Variants in SCAPER observed in about 807,000 individuals in gnomAD.
SCAPER encodes S phase cyclin A-associated protein in the endoplasmic reticulum.
A neutral mutation model predicts 182.2 loss-of-function variants in SCAPER; 98 were observed. That is an observed-to-expected ratio of 0.54 (90% CI 0.46 to 0.64). The LOEUF is 0.64. Ranked by LOEUF, SCAPER falls within the 30% of genes least tolerant of loss-of-function variation. The pLI is 0.00. For synonymous variants in SCAPER, 605 were observed against 564.6 expected, an observed-to-expected ratio of 1.07 and a Z score of -1.01; for missense variants, 1,432 against 1,690.0, an observed-to-expected ratio of 0.85 and a Z score of 2.68.
chr15:76,384,081 G>T (rs1041240173), intron 27 of SCAPER, among the ~76,000 whole-genome samples: 4 of 152,174 alleles, frequency 2.6e-5, no homozygotes, highest in Admixed American at 2.6e-4. Context: ...CGTGAGTAGA[G>T]ATTAATGTGT....
At chr15:76,720,341 G>A (rs1309555041) in intron 17 of SCAPER, among the ~76,000 whole-genome samples, 17 of 151,944 alleles carry the variant, frequency 1.1e-4, no homozygotes, top group Non-Finnish European at 2.1e-4. Context: ...TTGGACATTT[G>A]GGTTGGTTCC....
chr15:76,887,400 C>T (rs8026664), intron 1 of SCAPER, among the ~76,000 whole-genome samples: 4,407 of 152,214 alleles, frequency 0.029, 197 homozygotes, highest in African/African-American at 0.1. Flanking sequence ...CATTCCTAGC[C>T]AAGGGAAGCC....
intron 22 of SCAPER, among the ~76,000 whole-genome samples, chr15:76,576,528 T>A (rs1009991142): frequency 2.6e-5 from 4 of 152,156 alleles, no homozygotes; most frequent in African/African-American, 9.7e-5. Flanking sequence ...ATGTCCTCCA[T>A]ACAGGAACAC....
At chr15:76,804,163 T>C (rs1454065022) in intron 6 of SCAPER, among the ~76,000 whole-genome samples, 3 of 152,228 alleles carry the variant, frequency 2.0e-5, no homozygotes, top group Non-Finnish European at 4.4e-5. Context: ...CATGAAACAC[T>C]TCTTCCGCAT....
intron 21 of SCAPER, among the ~76,000 whole-genome samples, chr15:76,638,730 G>A (rs2053850575): frequency 6.6e-6 from 1 of 152,086 alleles, no homozygotes. Context: ...TATAAACTAT[G>A]TCGAGAATGA....
intron 4 of SCAPER, among the ~76,000 whole-genome samples, chr15:76,853,963 A>G (rs780087476): frequency 5.9e-5 from 9 of 152,216 alleles, no homozygotes; most frequent in Non-Finnish European, 1.2e-4. Flanking sequence ...CAACTTCAGC[A>G]AAGTTTCAGG....
At chr15:76,516,284 A>C (rs1306376613) in intron 23 of SCAPER, among the ~76,000 whole-genome samples, 1 of 151,946 alleles carries the variant, frequency 6.6e-6, no homozygotes, top group Non-Finnish European at 1.5e-5. Flanking sequence ...ATTGGTATAC[A>C]CATGCCATGG....
At chr15:76,673,362 C>T (rs1440275714) in intron 20 of SCAPER, among the ~76,000 whole-genome samples, 1 of 151,874 alleles carries the variant, frequency 6.6e-6, no homozygotes, top group South Asian at 2.1e-4. Flanking sequence ...GATTTATCAT[C>T]GTGTTACTAT....
intron 26 of SCAPER, among the ~76,000 whole-genome samples, chr15:76,432,135 G>T (rs2046911695): frequency 6.6e-6 from 1 of 152,232 alleles, no homozygotes; most frequent in African/African-American, 2.4e-5. Context: ...ATGCAGGGTT[G>T]CTGCATCACA....
At chr15:76,395,572 T>C (rs2043992363) in intron 27 of SCAPER, among the ~76,000 whole-genome samples, 1 of 152,202 alleles carries the variant, frequency 6.6e-6, no homozygotes, top group Non-Finnish European at 1.5e-5. Flanking sequence ...CTCTTTGTAG[T>C]TTTGATTTGC....
Position 76,841,925 on chromosome 15 carries a change from C to T in SCAPER, c.202G>A (p.Ala68Thr). 2 of 1,612,750 alleles carry T rather than the reference C, an allele frequency of 1.2e-6. No homozygotes were observed. The highest frequency in any genetic ancestry group is 1.7e-6 in the Non-Finnish European group (2 of 1,179,400). ...GTHKTTKQST[A>T]VDCKITSSTT... The stretch of plus-strand genomic sequence containing the variant: ...GACGATGTTATTTTACAGTCCACTG[C>T]AGTACTCTGGTGAAGTAAAATAAAA... Residue 68 changes from alanine to threonine, a missense_variant, in exon 5 of 32, where the codon GCA (alanine) becomes ACA (threonine). Coordinates refer to ENST00000563290, the MANE Select transcript of SCAPER (RefSeq NM_020843.4).
chr15:76,427,215 A>G lies in SCAPER; in HGVS notation c.3311+6863T>C, dbSNP rs568229663. ...AATTAACATACCAAAAAAATAGACA[A>G]AGGGGATTATATCAAACTAAAATGC... On this transcript the variant is annotated intron_variant, in intron 26 of 31. Transcript: ENST00000563290. Among the ~76,000 whole-genome samples the G allele has an allele frequency of 5.3e-5, 8 of 152,340 alleles. No individual in the cohort carries two copies. The South Asian group carries it at 6.2e-4, about 12-fold the overall frequency.
At chr15:76,874,950 AGAGT>A (rs1454732000) in intron 2 of SCAPER, among the ~76,000 whole-genome samples, 2 of 152,210 alleles carry the variant, frequency 1.3e-5, no homozygotes, top group African/African-American at 2.4e-5. Context: ...TGGGTGTGAC[AGAGT>A]GAGACTCTGC....
At chr15:76,778,643 ATGTGTGTG>A (rs60597958) in intron 8 of SCAPER, among the ~76,000 whole-genome samples, 1 of 148,632 alleles carries the variant, frequency 6.7e-6, no homozygotes, top group Non-Finnish European at 1.5e-5. Flanking sequence ...GTGTGAGTGT[ATGTGTGTG>A]TGTGTGTGTG....
chr15:76,498,872 T>C (rs1240269025), intron 24 of SCAPER, among the ~76,000 whole-genome samples: 1 of 152,120 alleles, frequency 6.6e-6, no homozygotes, highest in African/African-American at 2.4e-5. Flanking sequence ...TTTAAAATTA[T>C]ATTTGATGAG....
chr15:76,756,058 C>T (rs1246573985), intron 14 of SCAPER, among the ~76,000 whole-genome samples: 2 of 152,012 alleles, frequency 1.3e-5, no homozygotes, highest in East Asian at 3.9e-4. Flanking sequence ...GCCTGGCCAA[C>T]ATGGTGAAAC....
At chr15:76,510,683 G>A (rs2041948239) in intron 23 of SCAPER, among the ~76,000 whole-genome samples, 1 of 152,358 alleles carries the variant, frequency 6.6e-6, no homozygotes, top group Admixed American at 6.5e-5. Flanking sequence ...AGAACTAAAA[G>A]TAGAAGTACC....
chr15:76,841,649 AG>A, intron 5 of SCAPER, 84 bp downstream of exon 5: 1 of 1,380,778 alleles, frequency 7.2e-7, no homozygotes, highest in Non-Finnish European at 9.9e-7. Context: ...TCCATCTCAA[AG>A]AAAAAAAAAA....
At chr15:76,369,670 G>A (rs2141828268) in intron 29 of SCAPER, among the ~76,000 whole-genome samples, 2 of 152,282 alleles carry the variant, frequency 1.3e-5, no homozygotes, top group Non-Finnish European at 2.9e-5. Context: ...GCAAATTACT[G>A]GATTTCGTGG....
Sources: allele counts gnomAD v4.1 joint callset (sites outside exome capture counted in the v4.1 genomes callset), GRCh38; gene constraint gnomAD v4.1.1; transcripts MANE v1.5; gene names NCBI Gene and HGNC (gene_info 2026-07-23, HGNC 2026-07-21).